GAREM1: variants seen among roughly 807,000 people sequenced by gnomAD.
GAREM1 encodes GRB2-associated and regulator of MAPK protein 1.
GAREM1 carries 26 observed loss-of-function variants against 71.3 expected under a neutral mutation model. The observed-to-expected ratio is 0.36, with a 90% CI of 0.27 to 0.51. The LOEUF is 0.51. GAREM1 is among the 20% of genes least tolerant of loss of function. The pLI is 0.95. For missense variants in GAREM1, 1,026 were observed against 1,103.1 expected (o/e 0.93, Z 0.99); for synonymous variants, 440 against 433.2 (o/e 1.02, Z -0.20).
At position 32,443,324 on chromosome 18, in the gene GAREM1, A is replaced by G. The variant is rs148522168; in HGVS notation, c.121+26984T>C. ...TTAAAATTAAAATTTTTGTGCTTCA[A>G]AGGATACCATCAAGAAAGTGAAAAG... is the stretch of plus-strand genomic sequence containing the variant. On this transcript the variant is annotated intron_variant, in intron 1 of 5. Coordinates refer to ENST00000269209, the MANE Select transcript of GAREM1 (RefSeq NM_001242409.2). Among the ~76,000 whole-genome samples the G allele has an allele frequency of 8.2e-3, 1,248 of 152,292 alleles. 9 individuals carry two copies. Among genetic ancestry groups the G allele is most frequent in the Middle Eastern group, 0.031 (9 of 294 alleles).
At chr18:32,394,772 GGCAGGAATTACAA>G (rs1455635013) in intron 1 of GAREM1, among the ~76,000 whole-genome samples, 11 of 152,300 alleles carry the variant, frequency 7.2e-5, no homozygotes, top group African/African-American at 2.6e-4. Flanking sequence ...ATGCACAGTA[GGCAGGAATTACAA>G]GCACCAGGTT....
At chr18:32,321,611 C>A (rs2047429617) in intron 2 of GAREM1, among the ~76,000 whole-genome samples, 1 of 152,184 alleles carries the variant, frequency 6.6e-6, no homozygotes, top group Non-Finnish European at 1.5e-5. Context: ...AAACTAAAAT[C>A]ATCTTTTTAC....
chr18:32,368,311 T>C (rs1431447190), intron 2 of GAREM1, among the ~76,000 whole-genome samples: 1 of 151,928 alleles, frequency 6.6e-6, no homozygotes, highest in Non-Finnish European at 1.5e-5. Flanking sequence ...CCTGGGAAAT[T>C]TCCTATGTTT....
chr18:32,429,377 A>C (rs2048603281), intron 1 of GAREM1, among the ~76,000 whole-genome samples: 1 of 152,238 alleles, frequency 6.6e-6, no homozygotes, highest in African/African-American at 2.4e-5. Flanking sequence ...TATCATAAGA[A>C]TCAAATAGAA....
chr18:32,283,473 G>C (rs1166720124), intron 4 of GAREM1, among the ~76,000 whole-genome samples: 1 of 152,086 alleles, frequency 6.6e-6, no homozygotes, highest in African/African-American at 2.4e-5. Flanking sequence ...CTTGAACCCG[G>C]GAGACGGAGG....
chr18:32,368,652 C>A (rs1053017805), intron 2 of GAREM1, among the ~76,000 whole-genome samples: 2 of 152,116 alleles, frequency 1.3e-5, no homozygotes, highest in Non-Finnish European at 2.9e-5. Flanking sequence ...TACCAAGTGG[C>A]AAAATTATTA....
intron 2 of GAREM1, among the ~76,000 whole-genome samples, chr18:32,344,886 C>G (rs901936847): frequency 2.6e-5 from 4 of 151,926 alleles, no homozygotes; most frequent in Non-Finnish European, 4.4e-5. Context: ...ATGGTGAAAC[C>G]CTGTCTCTAC....
At chr18:32,308,610 T>A (rs1460863800) in intron 3 of GAREM1, among the ~76,000 whole-genome samples, 2 of 149,996 alleles carry the variant, frequency 1.3e-5, no homozygotes, top group Non-Finnish European at 3.0e-5. Context: ...TGGAATAGGA[T>A]TTAACTTCTG....
chr18:32,441,254 A>AT (rs1345609633), intron 1 of GAREM1, among the ~76,000 whole-genome samples: 1 of 151,864 alleles, frequency 6.6e-6, no homozygotes, highest in African/African-American at 2.4e-5. Context: ...ATACTTAACA[A>AT]TTTTTTTTAA....
chr18:32,437,390 A>T (rs1333293635), intron 1 of GAREM1, among the ~76,000 whole-genome samples: 1 of 152,204 alleles, frequency 6.6e-6, no homozygotes, highest in Non-Finnish European at 1.5e-5. Flanking sequence ...CTTGAGAAAG[A>T]CATGAGTGAG....
intron 2 of GAREM1, among the ~76,000 whole-genome samples, chr18:32,324,815 A>G (rs375269647): frequency 1.8e-4 from 28 of 152,368 alleles, no homozygotes; most frequent in African/African-American, 6.5e-4. Context: ...TTAAATGCCT[A>G]TTACTAAGTG....
chr18:32,272,951 C>T (rs1159076149), intron 4 of GAREM1, among the ~76,000 whole-genome samples: 1 of 152,228 alleles, frequency 6.6e-6, no homozygotes, highest in African/African-American at 2.4e-5. Flanking sequence ...CGCTTTCTGG[C>T]TTTGGTTCAT....
chr18:32,272,768 C>T (rs538840407), intron 4 of GAREM1, among the ~76,000 whole-genome samples: 64 of 152,324 alleles, frequency 4.2e-4, no homozygotes, highest in African/African-American at 1.3e-3. Context: ...GGATCACAGG[C>T]ATGCGCCACC....
intron 2 of GAREM1, among the ~76,000 whole-genome samples, chr18:32,337,443 C>T (rs1025548331): frequency 3.9e-5 from 6 of 152,108 alleles, no homozygotes; most frequent in African/African-American, 1.2e-4. Flanking sequence ...AGTATATGGC[C>T]CACAAGCTTG....
intron 2 of GAREM1, among the ~76,000 whole-genome samples, chr18:32,362,283 C>G (rs1254926831): frequency 6.6e-6 from 1 of 152,190 alleles, no homozygotes; most frequent in African/African-American, 2.4e-5. Context: ...AATGATGTAT[C>G]TCTCTGGAAC....
intron 1 of GAREM1, among the ~76,000 whole-genome samples, chr18:32,430,898 C>T (rs2048618137): frequency 6.6e-6 from 1 of 152,158 alleles, no homozygotes; most frequent in Admixed American, 6.5e-5. Context: ...AAAGCTAAAG[C>T]TTTGATTTTT....
At chr18:32,458,748 C>T (rs370396683) in intron 1 of GAREM1, among the ~76,000 whole-genome samples, 3 of 151,760 alleles carry the variant, frequency 2.0e-5, no homozygotes, top group East Asian at 1.9e-4. Flanking sequence ...AGAAATACAA[C>T]GTTTTCATTA....
chr18:32,364,008 A>G (rs1567980547), intron 2 of GAREM1, among the ~76,000 whole-genome samples: 4 of 43,890 alleles, frequency 9.1e-5, no homozygotes, highest in African/African-American at 4.3e-4. Flanking sequence ...ATATATATAT[A>G]TATATATATA....
In GAREM1 at chr18:32,307,589, C is replaced by A. The variant is rs145481566; in HGVS notation, c.393+2604G>T. Among the ~76,000 whole-genome samples the A allele has an allele frequency of 6.5e-3, 984 of 152,258 alleles. 18 individuals carry two copies. The highest frequency in any genetic ancestry group is 0.021 in the African/African-American group (862 of 41,546). ...TAAGGCTGGAGTGCAATGGCGTGAT[C>A]TCGGCTCACCGCAACCTCTGCCTCC... On this transcript the variant is annotated intron_variant, in intron 3 of 5. Transcript: ENST00000269209.
Sources: allele counts gnomAD v4.1 joint callset (sites outside exome capture counted in the v4.1 genomes callset), GRCh38; gene constraint gnomAD v4.1.1; transcripts MANE v1.5; gene names NCBI Gene and HGNC (gene_info 2026-07-23, HGNC 2026-07-21).